TFG: variants seen among roughly 807,000 people sequenced by gnomAD.
TFG encodes the protein protein TFG.
Under a neutral mutation model 51.4 loss-of-function variants are expected in TFG, and 22 were observed. That is an observed-to-expected ratio of 0.43 (90% CI 0.31 to 0.61). TFG has a LOEUF of 0.61. TFG is among the 20% of genes least tolerant of loss of function. The pLI, the probability that TFG is intolerant of heterozygous loss-of-function variation, is 0.12. For missense variants in TFG, 419 were observed against 487.7 expected, an observed-to-expected ratio of 0.86 and a Z score of 1.33; for synonymous variants, 187 against 165.6, an observed-to-expected ratio of 1.13 and a Z score of -0.99.
At chr3:100,742,825 C>T (rs2095124857) in intron 6 of TFG, 1 of 151,784 alleles carries the variant, frequency 6.6e-6, no homozygotes, top group East Asian at 1.9e-4. Context: ...ATATAATAAA[C>T]CTCTGAAATT....
At chr3:100,743,281 G>A (rs2149095104) in intron 6 of TFG, 1 of 152,170 alleles carries the variant, frequency 6.6e-6, no homozygotes, top group East Asian at 1.9e-4. Flanking sequence ...GTGGAGTTAA[G>A]CCTTCTAATT....
At chr3:100,735,983 AG>A (rs1223419176) in intron 5 of TFG, among the ~76,000 whole-genome samples, 3 of 152,240 alleles carry the variant, frequency 2.0e-5, no homozygotes, top group Non-Finnish European at 4.4e-5. Flanking sequence ...AAGGCTTACT[AG>A]AAGTGTGGAA....
chr3:100,726,583 A>C (rs1047485960), intron 3 of TFG, among the ~76,000 whole-genome samples: 14 of 152,210 alleles, frequency 9.2e-5, no homozygotes, highest in Non-Finnish European at 2.1e-4. Context: ...AGATAATAAC[A>C]GATTATAGGC....
chr3:100,721,840 C>T (rs1313474519), intron 3 of TFG, among the ~76,000 whole-genome samples: 2 of 152,204 alleles, frequency 1.3e-5, no homozygotes, highest in African/African-American at 4.8e-5. Context: ...TTATTTAAGA[C>T]ATAGAAGAAG....
At chr3:100,738,356 A>G (rs774542851) in intron 6 of TFG, among the ~76,000 whole-genome samples, 5 of 152,306 alleles carry the variant, frequency 3.3e-5, no homozygotes, top group Non-Finnish European at 5.9e-5. Flanking sequence ...CGAACTAAAG[A>G]TTTGTTTTTA....
At chr3:100,746,763 C>A (rs1388023125) in intron 7 of TFG, among the ~76,000 whole-genome samples, 3 of 151,864 alleles carry the variant, frequency 2.0e-5, no homozygotes, top group Non-Finnish European at 2.9e-5. Context: ...TAAAAAAAAA[C>A]AATTCAGATT....
chr3:100,710,842 T>G (rs1242647498), intron 1 of TFG: 1 of 152,228 alleles, frequency 6.6e-6, no homozygotes, highest in Non-Finnish European at 1.5e-5. Flanking sequence ...AATACCAGTC[T>G]CTACTTTGGA....
In TFG at chr3:100,748,503, A is replaced by G. The variant is rs752241457; in HGVS notation, c.1175A>G (p.Tyr392Cys). ...ARNRPPFGQG[Y>C]TQPGPGYR The stretch of plus-strand genomic sequence containing the variant: ...AACCGTCCTCCCTTTGGTCAGGGCT[A>G]TACCCAACCTGGACCTGGTTATCGA... Residue 392 changes from tyrosine to cysteine, a missense_variant, in exon 8 of 8, where the codon TAT becomes TGT. This residue lies in a region of TFG where 391 missense variants were observed against 434.4 expected (regional missense o/e 0.90). Coordinates refer to ENST00000240851, the MANE Select transcript of TFG (RefSeq NM_006070.6). 10 of 1,613,338 alleles carry G rather than the reference A, an allele frequency of 6.2e-6. No individual in the cohort carries two copies. Among genetic ancestry groups the G allele is most frequent in the Admixed American group, 1.7e-5 (1 of 59,982 alleles).
chr3:100,726,010 G>C (rs9853496), intron 3 of TFG, among the ~76,000 whole-genome samples: 4,526 of 152,226 alleles, frequency 0.03, 184 homozygotes, highest in African/African-American at 0.092. Flanking sequence ...GGCGAAGTCC[G>C]GTGATAGGCC....
chr3:100,734,110 G>C (rs1321177514), intron 5 of TFG, among the ~76,000 whole-genome samples: 2 of 151,774 alleles, frequency 1.3e-5, no homozygotes, highest in Non-Finnish European at 2.9e-5. Flanking sequence ...TAGGCTTGTG[G>C]TTTTTGAACT....
In TFG at chr3:100,739,006, C is replaced by T. The variant is rs147404890; in HGVS notation, c.721+2290C>T. ...AACATATCACATTTCAAACAAGCCA[C>T]ATTTCAGGTGCTCAATAGCCACATG... On this transcript the variant is annotated intron_variant, in intron 6 of 7. Coordinates refer to ENST00000240851, the MANE Select transcript of TFG (RefSeq NM_006070.6). Among the ~76,000 whole-genome samples the T allele has an allele frequency of 4.5e-3, 682 of 152,280 alleles. 7 individuals carry two copies. Among genetic ancestry groups the T allele is most frequent in the African/African-American group, 0.016 (653 of 41,566 alleles).
At chr3:100,713,387 T>C (rs952413558) in intron 1 of TFG, among the ~76,000 whole-genome samples, 1 of 152,180 alleles carries the variant, frequency 6.6e-6, no homozygotes, top group Non-Finnish European at 1.5e-5. Context: ...TTTTTAGATA[T>C]ATTAAGAAAA....
intron 3 of TFG, among the ~76,000 whole-genome samples, chr3:100,720,794 T>C (rs2095058599): frequency 6.6e-6 from 1 of 152,230 alleles, no homozygotes; most frequent in Non-Finnish European, 1.5e-5. Context: ...GATTTTTTCT[T>C]TTAGATCTTA....
rs752017367 is a variant in TFG at position 100,728,806 on chromosome 3, T to C, written c.363T>C (p.Asp121=). Residue 121 remains aspartate, a synonymous_variant, in exon 4 of 8, where the codon GAT becomes GAC. Coordinates refer to ENST00000240851, the MANE Select transcript of TFG (RefSeq NM_006070.6). ...ELRNKVNRLL[D]SLEPPGEPGP... ...GAAATAAAGTGAATCGTTTATTGGA[T>C]AGCTTGGAACCACCTGGAGAACCAG... is the stretch of plus-strand genomic sequence containing the variant. The C allele has an allele frequency of 1.2e-6, 2 of 1,612,160 alleles. No individual in the cohort carries two copies. Among genetic ancestry groups the C allele is most frequent in the Non-Finnish European group, 1.7e-6 (2 of 1,179,074 alleles).
chr3:100,747,952 T>A (rs2095148767), intron 7 of TFG, among the ~76,000 whole-genome samples, 197 bp from the exon 8 acceptor site: 1 of 152,162 alleles, frequency 6.6e-6, no homozygotes, highest in South Asian at 2.1e-4. Context: ...TTAGAGAGTT[T>A]AAAAAATTGT....
chr3:100,740,470 A>T (rs564990969), intron 6 of TFG, among the ~76,000 whole-genome samples: 11 of 152,274 alleles, frequency 7.2e-5, no homozygotes, highest in African/African-American at 2.4e-4. Flanking sequence ...ATAACCTTTT[A>T]TAGCCTGTCC....
chr3:100,721,877 G>A (rs796880682), intron 3 of TFG, among the ~76,000 whole-genome samples: 9 of 152,252 alleles, frequency 5.9e-5, no homozygotes, highest in African/African-American at 1.9e-4. Context: ...GCAGCCGGCC[G>A]TGGTGGCTCA....
intron 3 of TFG, among the ~76,000 whole-genome samples, chr3:100,720,687 T>C (rs1349012992): frequency 1.3e-5 from 2 of 152,218 alleles, no homozygotes; most frequent in African/African-American, 2.4e-5. Context: ...TAGCACTGGG[T>C]TGGGGACCCT....
intron 3 of TFG, among the ~76,000 whole-genome samples, chr3:100,726,852 C>T (rs72930714): frequency 0.01 from 1,556 of 152,212 alleles, 26 homozygotes; most frequent in African/African-American, 0.036. Context: ...GCATTGGATG[C>T]TCTCAGGAAG....
Sources: gnomAD v4.1 joint callset for allele counts (sites outside exome capture counted in the v4.1 genomes callset) on GRCh38, gnomAD v4.1.1 for gene constraint, gnomAD v4.1.1 regional missense constraint, MANE v1.5 for transcripts, NCBI Gene and HGNC (gene_info 2026-07-23, HGNC 2026-07-21) for gene names.